SKAP2: variants seen among roughly 807,000 people sequenced by gnomAD.
SKAP2 encodes src kinase associated phosphoprotein 2, also known as src kinase-associated phosphoprotein 2.
Under a neutral mutation model 54.9 loss-of-function variants are expected in SKAP2, and 28 were observed. The ratio of observed to expected loss-of-function variants is 0.51; its 90% confidence interval spans 0.38 to 0.70. The LOEUF is 0.70. Ranked by LOEUF, SKAP2 falls within the 30% of genes least tolerant of loss-of-function variation. The pLI is 0.00. For missense variants in SKAP2, 356 were observed against 424.1 expected, an observed-to-expected ratio of 0.84 and a Z score of 1.41; for synonymous variants, 137 against 134.3, an observed-to-expected ratio of 1.02 and a Z score of -0.14.
intron 4 of SKAP2, among the ~76,000 whole-genome samples, chr7:26,802,620 C>T (rs1381083565): frequency 6.6e-6 from 1 of 152,026 alleles, no homozygotes; most frequent in Non-Finnish European, 1.5e-5. Context: ...CAGTAGCACA[C>T]GCCTGTAATC....
intron 4 of SKAP2, among the ~76,000 whole-genome samples, chr7:26,758,259 T>A (rs1398425079): frequency 1.3e-5 from 2 of 152,108 alleles, no homozygotes; most frequent in African/African-American, 4.8e-5. Context: ...GTACTATACA[T>A]TTAAAATTTT....
At chr7:26,793,571 A>C (rs1018714627) in intron 4 of SKAP2, among the ~76,000 whole-genome samples, 1 of 152,200 alleles carries the variant, frequency 6.6e-6, no homozygotes, top group East Asian at 1.9e-4. Context: ...TGACCTGGCA[A>C]GGAAGTTAGA....
intron 9 of SKAP2, among the ~76,000 whole-genome samples, chr7:26,706,097 A>G (rs765238331): frequency 3.9e-5 from 6 of 152,198 alleles, no homozygotes; most frequent in Admixed American, 2.0e-4. Context: ...CCAAAGTCCA[A>G]CAATAACTCT....
chr7:26,844,269 A>T, intron 3 of SKAP2, 132 bp from the exon 4 acceptor site: 1 of 577,678 alleles, frequency 1.7e-6, no homozygotes, highest in Non-Finnish European at 3.1e-6. Flanking sequence ...GTCATGGAAA[A>T]ACAAAGAAAA....
chr7:26,797,901 T>C (rs182869629), intron 4 of SKAP2, among the ~76,000 whole-genome samples: 147 of 151,382 alleles, frequency 9.7e-4, no homozygotes, highest in African/African-American at 3.3e-3. Flanking sequence ...AAGAATGCAA[T>C]TGGCATACTG....
At chr7:26,856,202 T>C (rs1381532760) in intron 1 of SKAP2, among the ~76,000 whole-genome samples, 3 of 151,724 alleles carry the variant, frequency 2.0e-5, no homozygotes, top group South Asian at 2.1e-4. Context: ...TTAAAAAAAA[T>C]AGCTTATGGT....
At chr7:26,804,595 C>A (rs1308787626) in intron 4 of SKAP2, among the ~76,000 whole-genome samples, 1 of 151,872 alleles carries the variant, frequency 6.6e-6, no homozygotes, top group Admixed American at 6.6e-5. Flanking sequence ...AAAAATTAGC[C>A]AGGCATGGTG....
intron 11 of SKAP2, among the ~76,000 whole-genome samples, chr7:26,681,297 C>G (rs953920382): frequency 1.3e-5 from 2 of 152,010 alleles, no homozygotes; most frequent in Non-Finnish European, 2.9e-5. Context: ...ACTAAAAATG[C>G]AAAAATTAGC....
At chr7:26,823,216 AG>A (rs1784417511) in intron 4 of SKAP2, among the ~76,000 whole-genome samples, 1 of 152,084 alleles carries the variant, frequency 6.6e-6, no homozygotes, top group Non-Finnish European at 1.5e-5. Flanking sequence ...ACCTGCAGTC[AG>A]GAGTTTGAGA....
At chr7:26,718,500 AT>A (rs1562586019) in intron 9 of SKAP2, among the ~76,000 whole-genome samples, 3 of 151,414 alleles carry the variant, frequency 2.0e-5, no homozygotes, top group African/African-American at 7.3e-5. Flanking sequence ...TTTTATTTTA[AT>A]TTATTTTATT....
rs765348964 is a variant in SKAP2 at position 26,684,784 on chromosome 7, A to G, written c.939T>C (p.Ser313=). Residue 313 remains serine (S), a synonymous_variant, in exon 11 of 13, where the codon TCT becomes TCC. Transcript: ENST00000345317. ...CACCACGCTTAAATGACAACTCATC[A>G]GAAAAAGCTCCAGTACAATCCCACA... is the stretch of plus-strand genomic sequence containing the variant. ...QGLWDCTGAF[S]DELSFKRGDV... 4 of 1,613,030 alleles carry G rather than the reference A, an allele frequency of 2.5e-6. No individual in the cohort carries two copies. Among genetic ancestry groups the G allele is most frequent in the Admixed American group, 3.3e-5 (2 of 59,976 alleles).
intron 4 of SKAP2, among the ~76,000 whole-genome samples, chr7:26,770,948 GA>G (rs528284218): frequency 2.0e-5 from 3 of 147,148 alleles, no homozygotes; most frequent in Admixed American, 6.7e-5. Flanking sequence ...ACATGTCTGA[GA>G]AAAAAAAAAC....
chr7:26,702,983 C>A (rs1787072693), intron 9 of SKAP2, among the ~76,000 whole-genome samples: 2 of 152,160 alleles, frequency 1.3e-5, no homozygotes, highest in South Asian at 4.1e-4. Context: ...TTTTAAAACC[C>A]AGATTGCTGT....
chr7:26,818,636 G>A (rs1041970002), intron 4 of SKAP2, among the ~76,000 whole-genome samples: 1 of 152,098 alleles, frequency 6.6e-6, no homozygotes, highest in African/African-American at 2.4e-5. Flanking sequence ...GAGTGAACAG[G>A]CAACCTACAG....
chr7:26,681,127 T>G (rs1216427106), intron 11 of SKAP2, among the ~76,000 whole-genome samples: 2 of 152,218 alleles, frequency 1.3e-5, no homozygotes, highest in Non-Finnish European at 1.5e-5. Context: ...CCAAGCTAGT[T>G]AAATGTTTTT....
intron 4 of SKAP2, among the ~76,000 whole-genome samples, chr7:26,786,248 T>C (rs1472150418): frequency 6.6e-6 from 1 of 152,218 alleles, no homozygotes; most frequent in Non-Finnish European, 1.5e-5. Context: ...AATTAATTCA[T>C]TAAACCAATA....
chr7:26,835,322 A>T (rs994213229), intron 4 of SKAP2, among the ~76,000 whole-genome samples: 2 of 152,200 alleles, frequency 1.3e-5, no homozygotes, highest in Non-Finnish European at 2.9e-5. Flanking sequence ...CTCCTACTCA[A>T]CACAGTATTG....
chr7:26,669,927 T>TA (rs1317982994), intron 12 of SKAP2, among the ~76,000 whole-genome samples, 164 bp downstream of exon 12: 1 of 152,194 alleles, frequency 6.6e-6, no homozygotes, highest in Admixed American at 6.5e-5. Context: ...TAAAAATTCT[T>TA]ATTTTAAAAA....
intron 4 of SKAP2, among the ~76,000 whole-genome samples, chr7:26,774,119 C>T (rs1298964336): frequency 6.6e-6 from 1 of 152,082 alleles, no homozygotes; most frequent in Non-Finnish European, 1.5e-5. Flanking sequence ...TCGAGATCAG[C>T]CTGGCCAACA....
Sources: gnomAD v4.1 joint callset for allele counts (sites outside exome capture counted in the v4.1 genomes callset) on GRCh38, gnomAD v4.1.1 for gene constraint, MANE v1.5 for transcripts, NCBI Gene and HGNC (gene_info 2026-07-23, HGNC 2026-07-21) for gene names.